The following STAB2 variants were observed in gnomAD, a reference collection of about 807,000 sequenced individuals.
STAB2 encodes stabilin 2, also known as stabilin-2.
A neutral mutation model predicts 338.1 loss-of-function variants in STAB2; 288 were observed. The ratio of observed to expected loss-of-function variants is 0.85; its 90% CI spans 0.77 to 0.94. The LOEUF (loss-of-function observed/expected upper bound fraction) is 0.94. STAB2 is among the 40% of genes least tolerant of loss of function. The pLI is 0.00. For synonymous variants in STAB2, 1,202 were observed against 1,193.3 expected (o/e 1.01, Z -0.15); for missense variants, 3,141 against 3,210.1 (o/e 0.98, Z 0.52).
At position 103,742,488 on chromosome 12, in the gene STAB2, A is replaced by T. The variant is rs1449570446; in HGVS notation, c.5965A>T (p.Asn1989Tyr). 2 of 1,614,100 alleles carry T rather than the reference A, an allele frequency of 1.2e-6. No homozygotes were observed. The highest frequency in any genetic ancestry group is 4.5e-5 in the East Asian group (2 of 44,880). Reference sequence around the variant, plus strand: ...CTCGGCCACCGGAGAGTGTAAATGCAACACCGGCTTCAATGGGACGGCGTG... The same window carrying T: ...CTCGGCCACCGGAGAGTGTAAATGCTACACCGGCTTCAATGGGACGGCGTG... ...QYSATGECKC[N>Y]TGFNGTACEM... is the part of the protein sequence containing the mutation. Residue 1989 changes from asparagine to tyrosine, a missense_variant, in exon 56 of 69, where the codon AAC becomes TAC. By Grantham distance (143) the Asn-to-Tyr change is moderately radical. Coordinates refer to ENST00000388887, the MANE Select transcript of STAB2 (RefSeq NM_017564.10).
chr12:103,628,335 A>T (rs1371450325), intron 5 of STAB2, among the ~76,000 whole-genome samples: 1 of 152,214 alleles, frequency 6.6e-6, no homozygotes, highest in African/African-American at 2.4e-5. Context: ...AAAATGCCTG[A>T]TAGATAGTAA....
chr12:103,669,425 C>A lies in STAB2; in HGVS notation c.2173-116C>A, dbSNP rs543094343. The A allele has an allele frequency of 2.1e-5, 19 of 885,364 alleles. No individual in the cohort carries two copies. The East Asian group carries it at 4.2e-4, about 20-fold the overall frequency. The allele number at this position is 885,364 out of a possible 1,614,324, so 54.8% of individuals were successfully genotyped here. A position where few individuals can be genotyped will look rare whatever the true frequency, so the allele number is the denominator to read the frequency against. On this transcript the variant is annotated intron_variant, in intron 20 of 68. Transcript: ENST00000388887. ...ATCAACTGCCAAAGAAAAGGGCAACCTCATAAGGAGAGGCGAATATGGCTT... is the reference window on the plus strand; with the variant it reads ...ATCAACTGCCAAAGAAAAGGGCAACATCATAAGGAGAGGCGAATATGGCTT...
intron 3 of STAB2, among the ~76,000 whole-genome samples, chr12:103,615,583 G>A (rs944827460): frequency 2.0e-5 from 3 of 152,200 alleles, no homozygotes. Flanking sequence ...TGAAGTTGGA[G>A]ATCTAAGAGG....
At chr12:103,670,255 A>G (rs1875632727) in intron 21 of STAB2, among the ~76,000 whole-genome samples, 1 of 152,160 alleles carries the variant, frequency 6.6e-6, no homozygotes, top group South Asian at 2.1e-4. Flanking sequence ...CACACCCAAC[A>G]CTGATGTCAA....
chr12:103,712,123 A>C (rs917804205), intron 40 of STAB2, among the ~76,000 whole-genome samples: 16 of 152,176 alleles, frequency 1.1e-4, no homozygotes, highest in Non-Finnish European at 2.1e-4. Context: ...GCAGCTACCC[A>C]TCTTATTCCT....
rs372294848 is a variant in STAB2 at position 103,668,754 on chromosome 12, A to G, written c.2172+25A>G. 108 of 1,515,534 alleles carry G rather than the reference A, an allele frequency of 7.1e-5. No individual in the cohort carries two copies. The African/African-American group carries it at 1.1e-3, about 15-fold the overall frequency. 93.9% of individuals were successfully genotyped at this position (1,515,534 alleles called of 1,614,324 possible). ...GGTGAGGAGCGCGTGGCCGAGGCCC[A>G]GTCTAGGCCAGTAGGGCCAGGCAGC... On this transcript the variant is annotated intron_variant, in intron 20 of 68. Transcript: ENST00000388887.
intron 5 of STAB2, among the ~76,000 whole-genome samples, chr12:103,625,213 T>C (rs1957362679): frequency 6.6e-6 from 1 of 152,214 alleles, no homozygotes; most frequent in African/African-American, 2.4e-5. Flanking sequence ...AGAAGACCCA[T>C]GTTATCTCCA....
intron 31 of STAB2, among the ~76,000 whole-genome samples, 194 bp downstream of exon 31, chr12:103,693,083 C>G (rs139741915): frequency 1.3e-5 from 2 of 152,250 alleles, no homozygotes; most frequent in East Asian, 3.9e-4. Context: ...TTCCATTTAT[C>G]CAGCCTGTAT....
At position 103,699,133 on chromosome 12, in the gene STAB2, A is replaced by G. The variant is rs1435249149; in HGVS notation, c.3620A>G (p.Glu1207Gly). ...DVLRYHVVLE[E>G]KLLKNDLHNG... Reference sequence around the variant, plus strand: ...CTCCGGTATCATGTGGTCCTGGAGGAGAAACTCCTGAAGAATGACCTGCAC... The same window carrying G: ...CTCCGGTATCATGTGGTCCTGGAGGGGAAACTCCTGAAGAATGACCTGCAC... The change falls in exon 34 of 69, where the codon GAG (glutamate) becomes GGG (glycine). Residue 1207 changes from glutamate (E) to glycine (G), a missense_variant. Physicochemically the swap from Glu to Gly is moderately conservative, Grantham distance 98. Transcript: ENST00000388887. 1 of 1,612,158 alleles carries G rather than the reference A, an allele frequency of 6.2e-7. No homozygotes were observed. Among genetic ancestry groups the G allele is most frequent in the African/African-American group, 1.3e-5 (1 of 74,804 alleles).
chr12:103,760,064 A>G (rs956341192), intron 65 of STAB2, among the ~76,000 whole-genome samples: 1 of 152,224 alleles, frequency 6.6e-6, no homozygotes, highest in Non-Finnish European at 1.5e-5. Flanking sequence ...TTGTTTGTAC[A>G]GATCCATTTC....
chr12:103,705,450 C>G lies in STAB2; in HGVS notation c.3901-182C>G, dbSNP rs140368750. ...TATTGGATTTTGCCACCTGGCATTC[C>G]GGCAACCAACATTGTGTTTTCATGT... On this transcript the variant is annotated intron_variant, in intron 36 of 68. Coordinates refer to ENST00000388887, the MANE Select transcript of STAB2 (RefSeq NM_017564.10). Among the ~76,000 whole-genome samples, 183 of 152,342 alleles carry G rather than the reference C, an allele frequency of 1.2e-3. 1 individual carries two copies. The highest frequency in any genetic ancestry group is 4.4e-3 in the African/African-American group (181 of 41,580).
chr12:103,702,323 G>A (rs1281864807), intron 34 of STAB2, among the ~76,000 whole-genome samples: 2 of 145,646 alleles, frequency 1.4e-5, no homozygotes, highest in African/African-American at 2.6e-5. Context: ...ACGGAGTCTC[G>A]CTCTGTCGCC....
intron 61 of STAB2, among the ~76,000 whole-genome samples, chr12:103,753,709 T>G (rs1279255281): frequency 6.6e-6 from 1 of 152,232 alleles, no homozygotes; most frequent in Non-Finnish European, 1.5e-5. Flanking sequence ...AGGGTAGACC[T>G]GACTCTTAAA....
At chr12:103,704,158 C>T (rs1879139059) in intron 35 of STAB2, among the ~76,000 whole-genome samples, 2 of 152,210 alleles carry the variant, frequency 1.3e-5, no homozygotes, top group African/African-American at 2.4e-5. Context: ...TTTGTAATAG[C>T]ATGTATTATC....
intron 3 of STAB2, among the ~76,000 whole-genome samples, chr12:103,616,166 T>A (rs1007770691): frequency 5.3e-5 from 8 of 152,170 alleles, no homozygotes; most frequent in Admixed American, 3.9e-4. Context: ...AAGGTCACAC[T>A]CTTGGGAGCT....
Position 103,587,410 on chromosome 12 carries a change from A to G in STAB2, c.-67A>G. The G allele has an allele frequency of 7.7e-7, 1 of 1,294,682 alleles. No individual in the cohort carries two copies. Among genetic ancestry groups the G allele is most frequent in the Non-Finnish European group, 1.1e-6 (1 of 908,692 alleles). 80.2% of individuals were successfully genotyped at this position (1,294,682 alleles called of 1,614,324 possible). A position where few individuals can be genotyped will look rare whatever the true frequency, so the allele number is the denominator to read the frequency against. On this transcript the variant is annotated 5_prime_UTR_variant, in exon 1 of 69. Coordinates refer to ENST00000388887, the MANE Select transcript of STAB2 (RefSeq NM_017564.10). ...GAAAGAATTCACTGGGAGTTTATCA[A>G]ACTAAGTTAAAATAGCTAAGTCAGC...
intron 2 of STAB2, among the ~76,000 whole-genome samples, chr12:103,591,358 G>C (rs1430860503): frequency 6.6e-6 from 1 of 152,008 alleles, no homozygotes; most frequent in East Asian, 1.9e-4. Flanking sequence ...GGTGGCACCT[G>C]CCTGTAATCC....
chr12:103,681,561 C>T (rs941498396), intron 25 of STAB2, among the ~76,000 whole-genome samples: 4 of 150,698 alleles, frequency 2.7e-5, no homozygotes, highest in African/African-American at 4.9e-5. Flanking sequence ...TCTGCCTTCA[C>T]GTTCAGATGT....
intron 58 of STAB2, among the ~76,000 whole-genome samples, chr12:103,747,569 TA>T (rs56217482): frequency 0.57 from 87,168 of 151,948 alleles, 25,344 homozygotes; most frequent in East Asian, 0.74. Context: ...TAGGAATTGT[TA>T]AAAATCACAT....
Sources: allele counts gnomAD v4.1 joint callset (sites outside exome capture counted in the v4.1 genomes callset), GRCh38; gene constraint gnomAD v4.1.1; transcripts MANE v1.5; gene names NCBI Gene and HGNC (gene_info 2026-07-23, HGNC 2026-07-21).